Variants in PTPRS observed in about 807,000 individuals in gnomAD.
PTPRS encodes protein tyrosine phosphatase receptor type S, also known as receptor-type tyrosine-protein phosphatase S.
In PTPRS, 63 loss-of-function variants were observed where a neutral mutation model predicts 215.3. That is an observed-to-expected ratio of 0.29 (90% CI 0.24 to 0.36). The LOEUF is 0.36. PTPRS is among the 10% of genes least tolerant of loss of function. The pLI is 1.00. For missense variants in PTPRS, 2,258 were observed against 2,825.8 expected (o/e 0.80, Z 4.56); for synonymous variants, 1,404 against 1,191.4 (o/e 1.18, Z -3.68).
chr19:5,328,433 T>G (rs2050228479), intron 1 of PTPRS, among the ~76,000 whole-genome samples: 1 of 151,830 alleles, frequency 6.6e-6, no homozygotes, highest in African/African-American at 2.4e-5. Flanking sequence ...AAAAGGGGTT[T>G]CACCATGTTG....
intron 9 of PTPRS, among the ~76,000 whole-genome samples, chr19:5,247,015 C>T (rs960180870): frequency 1.3e-5 from 2 of 148,936 alleles, no homozygotes; most frequent in East Asian, 2.0e-4. Context: ...AGAGAGGAGA[C>T]GAATGAATGG....
At position 5,258,081 on chromosome 19, in the gene PTPRS, A is replaced by G. The variant is rs527488503; in HGVS notation, c.642T>C (p.Tyr214=). The part of the protein sequence containing the change: ...ESSEETDQGK[Y]ECVATNSAGV... ...CGGCGCTGTTGGTGGCCACACACTCATATTTGCCCTGGTCGGTTTCCTCAC... is the reference window on the plus strand; with the variant it reads ...CGGCGCTGTTGGTGGCCACACACTCGTATTTGCCCTGGTCGGTTTCCTCAC... Residue 214 remains tyrosine, a synonymous_variant, in exon 8 of 38, where the codon TAT becomes TAC. Coordinates refer to ENST00000262963, the MANE Select transcript of PTPRS (RefSeq NM_002850.4). The G allele has an allele frequency of 2.0e-5, 33 of 1,614,148 alleles. 2 individuals carry two copies. In the South Asian group the frequency reaches 3.3e-4, roughly 16 times the overall value.
At chr19:5,279,808 G>A (rs1412018043) in intron 2 of PTPRS, among the ~76,000 whole-genome samples, 4 of 151,982 alleles carry the variant, frequency 2.6e-5, no homozygotes, top group African/African-American at 4.8e-5. Flanking sequence ...TCAGCCTCCC[G>A]AGTAGCTGGG....
At chr19:5,276,358 G>A (rs1239762966) in intron 2 of PTPRS, among the ~76,000 whole-genome samples, 1 of 151,866 alleles carries the variant, frequency 6.6e-6, no homozygotes, top group African/African-American at 2.4e-5. Context: ...AAGTAGCTGG[G>A]ATTACAGGCA....
Position 5,229,769 on chromosome 19 carries a change from T to TCCAGGATGC in PTPRS, c.2156-94_2156-86dup, listed in dbSNP as rs2042861885. ...GCCCCGGGCAGTGCCACTGTCCGAT[T>TCCAGGATGC]CCAGGATGCCGAGTGGCTGCCGGTG... is the stretch of plus-strand genomic sequence containing the variant. On this transcript the variant is annotated intron_variant, in intron 14 of 37. Transcript: ENST00000262963. The TCCAGGATGC allele has an allele frequency of 1.8e-5, 15 of 856,410 alleles. No individual in the cohort carries two copies. The East Asian group carries it at 5.4e-4, about 31-fold the overall frequency. The allele number at this position is 856,410 out of a possible 1,614,324, so 53.1% of individuals were successfully genotyped here. A position where few individuals can be genotyped will look rare whatever the true frequency, so the allele number is the denominator to read the frequency against.
chr19:5,280,294 A>G (rs546292129), intron 2 of PTPRS, among the ~76,000 whole-genome samples: 13 of 152,228 alleles, frequency 8.5e-5, no homozygotes, highest in Non-Finnish European at 1.9e-4. Context: ...CTACCCATCC[A>G]TGGCTCAGGC....
intron 3 of PTPRS, among the ~76,000 whole-genome samples, chr19:5,273,844 T>C (rs778587132): frequency 6.6e-6 from 1 of 152,164 alleles, no homozygotes; most frequent in Non-Finnish European, 1.5e-5. Flanking sequence ...TGCAAGCCCA[T>C]GTGACAGGCA....
intron 30 of PTPRS, 110 bp downstream of exon 30, chr19:5,214,251 C>G (rs2041206349): frequency 1.4e-6 from 2 of 1,472,450 alleles, no homozygotes; most frequent in Middle Eastern, 2.2e-4. Flanking sequence ...TAGACACGCT[C>G]CGCTTTCTCT....
chr19:5,335,976 G>A (rs2050484636), intron 1 of PTPRS, among the ~76,000 whole-genome samples: 1 of 151,398 alleles, frequency 6.6e-6, no homozygotes, highest in Admixed American at 6.6e-5. Flanking sequence ...GCCAGGCCAC[G>A]ATGTTGGGGG....
At chr19:5,324,214 G>A (rs12975116) in intron 1 of PTPRS, among the ~76,000 whole-genome samples, 62,683 of 126,850 alleles carry the variant, frequency 0.49, 15,157 homozygotes, top group Middle Eastern at 0.6. Context: ...GAGACAGAGC[G>A]AAACCCTGCC....
rs1326507806 is a variant in PTPRS, at chr19:5,219,298, C to G, written c.3923+12G>C. The G allele has an allele frequency of 5.6e-6, 9 of 1,613,870 alleles. No homozygotes were observed. Among genetic ancestry groups the G allele is most frequent in the Non-Finnish European group, 7.6e-6 (9 of 1,179,974 alleles). ...TGCTGTCAAGTCAAGTCGGGGAGGA[C>G]ATGGGGCTTACTTCTTGTAGAGCAG... is the stretch of plus-strand genomic sequence containing the variant. On this transcript the variant is annotated intron_variant, in intron 23 of 37. Coordinates refer to ENST00000262963, the MANE Select transcript of PTPRS (RefSeq NM_002850.4).
intron 25 of PTPRS, among the ~76,000 whole-genome samples, chr19:5,217,418 C>T (rs1426526821): frequency 6.6e-6 from 1 of 152,096 alleles, no homozygotes; most frequent in Admixed American, 6.6e-5. Context: ...GAAGAGAATA[C>T]ACGAGGGGTG....
intron 1 of PTPRS, among the ~76,000 whole-genome samples, chr19:5,315,512 C>T (rs892193885): frequency 6.6e-6 from 1 of 151,304 alleles, no homozygotes; most frequent in Admixed American, 6.6e-5. Flanking sequence ...CACAGGTGTA[C>T]ACCATCATAC....
chr19:5,286,238 C>A lies in PTPRS; in HGVS notation c.-94-4G>T. On this transcript the variant is annotated splice_polypyrimidine_tract_variant and splice_region_variant and intron_variant, in intron 1 of 37. Transcript: ENST00000262963. The stretch of plus-strand genomic sequence containing the variant: ...CGAGCGTCAGATGGGGCAACGTCTG[C>A]AGAGACAATGGAGGGCTGTGAGAGG... 6.0e-6 allele frequency: 8 copies of A among 1,337,910 alleles called. No homozygotes were observed. The highest frequency in any genetic ancestry group is 8.4e-6 in the Non-Finnish European group (8 of 954,886). The allele number at this position is 1,337,910 out of a possible 1,614,324, so 82.9% of individuals were successfully genotyped here. A position where few individuals can be genotyped will look rare whatever the true frequency, so the allele number is the denominator to read the frequency against.
intron 37 of PTPRS, 33 bp downstream of exon 37, chr19:5,207,889 C>A: frequency 6.2e-7 from 1 of 1,607,744 alleles, no homozygotes; most frequent in Non-Finnish European, 8.5e-7. Flanking sequence ...GGGCGTGAGG[C>A]CAGGCTGCCT....
Position 5,208,379 on chromosome 19 carries a change from G to A in PTPRS, c.5500C>T (p.Arg1834Trp), listed in dbSNP as rs1269269717. The change falls in exon 36 of 38, where the codon CGG (arginine) becomes TGG (tryptophan). Residue 1834 changes from arginine to tryptophan, a missense_variant. By Grantham distance (101) the Arg-to-Trp change is moderately radical. This residue lies in a region of PTPRS where 927 missense variants were observed against 1,125.9 expected (regional missense o/e 0.82). Coordinates refer to ENST00000262963, the MANE Select transcript of PTPRS (RefSeq NM_002850.4). Reference sequence around the variant, plus strand: ...GTGAACTGGAACTGCCGGACAGTCCGGGACTGGCCATCCTAGAGTGCAGAG... The same window carrying A: ...GTGAACTGGAACTGCCGGACAGTCCAGGACTGGCCATCCTAGAGTGCAGAG... ...KVTDARDGQS[R>W]TVRQFQFTDW... The A allele has an allele frequency of 3.1e-6, 5 of 1,601,292 alleles. No homozygotes were observed. The highest frequency in any genetic ancestry group is 4.3e-6 in the Non-Finnish European group (5 of 1,173,372).
Position 5,273,563 on chromosome 19 carries a change from A to G in PTPRS, c.258T>C (p.Ser86=). ...GCTGGATCCTCAGCACTGCCCCTGCACTCTCATCAAACTCAATCGTCTGCC... is the reference window on the plus strand; with the variant it reads ...GCTGGATCCTCAGCACTGCCCCTGCGCTCTCATCAAACTCAATCGTCTGCC... ...QRFETIEFDE[S]AGAVLRIQPL... is the part of the protein sequence containing the mutation. Residue 86 remains serine (S), a synonymous_variant, in exon 4 of 38, where the codon AGT becomes AGC. Transcript: ENST00000262963. 1 of 1,614,006 alleles carries G rather than the reference A, an allele frequency of 6.2e-7. No homozygotes were observed. The highest frequency in any genetic ancestry group is 8.5e-7 in the Non-Finnish European group (1 of 1,179,992).
At chr19:5,225,665 C>T (rs1354178041) in intron 17 of PTPRS, 62 bp downstream of exon 17, 24 of 1,399,072 alleles carry the variant, frequency 1.7e-5, no homozygotes, top group African/African-American at 2.9e-5. Context: ...TCTGGAGTCA[C>T]GCTCTGGTGC....
intron 28 of PTPRS, among the ~76,000 whole-genome samples, 171 bp downstream of exon 28, chr19:5,215,114 TAGAG>T (rs568135946): frequency 8.3e-4 from 127 of 152,364 alleles, no homozygotes; most frequent in Non-Finnish European, 1.5e-3. Context: ...GAAGCCATGT[TAGAG>T]AGAGCAGCCA....
Sources: gnomAD v4.1 joint callset for allele counts (sites outside exome capture counted in the v4.1 genomes callset) on GRCh38, gnomAD v4.1.1 for gene constraint, gnomAD v4.1.1 regional missense constraint, MANE v1.5 for transcripts, NCBI Gene and HGNC (gene_info 2026-07-23, HGNC 2026-07-21) for gene names.